The following AP1B1 variants were observed in gnomAD, a reference collection of about 807,000 sequenced individuals.
AP1B1 encodes AP-1 complex subunit beta-1.
A neutral mutation model predicts 104.3 loss-of-function variants in AP1B1; 36 were observed. The observed-to-expected ratio is 0.35, with a 90% CI of 0.26 to 0.46. The LOEUF is 0.46. Ranked by LOEUF, AP1B1 falls within the 20% of genes least tolerant of loss-of-function variation. The pLI is 1.00. For synonymous variants in AP1B1, 504 were observed against 517.5 expected (o/e 0.97, Z 0.35); for missense variants, 901 against 1,247.9 (o/e 0.72, Z 4.19).
intron 1 of AP1B1, among the ~76,000 whole-genome samples, chr22:29,368,571 TAC>T (rs2062180137): frequency 6.6e-6 from 1 of 152,208 alleles, no homozygotes; most frequent in Non-Finnish European, 1.5e-5. Context: ...AATCCCATTT[TAC>T]AAATGATGAA....
chr22:29,350,139 C>T lies in AP1B1; in HGVS notation c.1167G>A (p.Glu389=), dbSNP rs370775380. Residue 389 remains glutamate (E), a synonymous_variant, in exon 10 of 23, where the codon GAG becomes GAA. Transcript: ENST00000357586. ...GGTCGAGCAGCGTGCTCACACAGCGCTCCGCAGATTGCTGCATGGGAAGAG... is the reference window on the plus strand; with the variant it reads ...GGTCGAGCAGCGTGCTCACACAGCGTTCCGCAGATTGCTGCATGGGAAGAG... ...RCAIKVEQSA[E]RCVSTLLDLI... 6.2e-7 allele frequency: 1 copy of T among 1,614,090 alleles called. No homozygotes were observed. Among genetic ancestry groups the T allele is most frequent in the Non-Finnish European group, 8.5e-7 (1 of 1,179,950 alleles).
intron 16 of AP1B1, among the ~76,000 whole-genome samples, chr22:29,337,847 G>A (rs764391463): frequency 6.4e-4 from 98 of 152,274 alleles, no homozygotes; most frequent in Middle Eastern, 3.4e-3. Context: ...TCCCTGCCAC[G>A]GAATCCCCCG....
In AP1B1 at chr22:29,331,896, G is replaced by A; in HGVS notation, c.2330C>T (p.Ala777Val). The change falls in exon 18 of 23, where the codon GCC becomes GTC. Residue 777 changes from alanine to valine, a missense_variant. This residue lies in a region of AP1B1 where 424 missense variants were observed against 494.0 expected (regional missense o/e 0.86). Transcript: ENST00000357586. Reference sequence around the variant, plus strand: ...GAGTGGCGCGTGGACCTGGAGGGGGGCGGCGGGGGCCAGGCCAAAGCTGGG... The same window carrying A: ...GAGTGGCGCGTGGACCTGGAGGGGGACGGCGGGGGCCAGGCCAAAGCTGGG... ...NRNSFGLAPA[A>V]PLQVHAPLSP... 2 of 1,611,644 alleles carry A rather than the reference G, an allele frequency of 1.2e-6. No homozygotes were observed. The highest frequency in any genetic ancestry group is 1.1e-5 in the South Asian group (1 of 91,044).
Position 29,354,937 on chromosome 22 carries a change from C to T in AP1B1, c.717-66G>A, listed in dbSNP as rs567877056. 1.6e-5 allele frequency: 23 copies of T among 1,439,120 alleles called. 1 individual carries two copies. In the East Asian group the frequency reaches 2.3e-4, roughly 15 times the overall value. 89.1% of individuals were successfully genotyped at this position (1,439,120 alleles called of 1,614,324 possible). A position where few individuals can be genotyped will look rare whatever the true frequency, so the allele number is the denominator to read the frequency against. On this transcript the variant is annotated intron_variant, in intron 6 of 22. Transcript: ENST00000357586. ...AGGGGAAACATTCTGTTTTTAGTTA[C>T]CAAAATAGCATGTCCAGGCCAGGCG...
Position 29,351,664 on chromosome 22 carries a change from C to A in AP1B1, c.1059+41G>T, listed in dbSNP as rs1163511660. ...TACAGTCTGGTGGTGGTGGAATGGT[C>A]CCACACTGAGCCCGTGTCCTGACCA... On this transcript the variant is annotated intron_variant, in intron 8 of 22. Transcript: ENST00000357586. 5.0e-6 allele frequency: 8 copies of A among 1,609,000 alleles called. No homozygotes were observed. In the Admixed American group the frequency reaches 5.0e-5, roughly 10 times the overall value.
chr22:29,341,032 A>G (rs1325374322), intron 13 of AP1B1, among the ~76,000 whole-genome samples, 175 bp from the exon 14 acceptor site: 1 of 152,214 alleles, frequency 6.6e-6, no homozygotes, highest in African/African-American at 2.4e-5. Flanking sequence ...CAGCAGGTCC[A>G]TCTTTCAGGT....
intron 11 of AP1B1, among the ~76,000 whole-genome samples, chr22:29,345,706 A>C (rs2061782958): frequency 6.6e-6 from 1 of 151,356 alleles, no homozygotes; most frequent in Non-Finnish European, 1.5e-5. Context: ...TTTTTCTGAG[A>C]TGGAGTCTTG....
At position 29,341,898 on chromosome 22, in the gene AP1B1, C is replaced by T. The variant is rs192040700; in HGVS notation, c.1537-138G>A. On this transcript the variant is annotated intron_variant, in intron 12 of 22. Coordinates refer to ENST00000357586, the MANE Select transcript of AP1B1 (RefSeq NM_001127.4). ...AGTCCTGAGTGCTCCCATGAGCCTG[C>T]CCCTATACCACCTACAGGGCCATGC... 3,712 of 1,022,458 alleles carry T rather than the reference C, an allele frequency of 3.6e-3. 27 individuals are homozygous for T. The highest frequency in any genetic ancestry group is 8.3e-3 in the South Asian group (493 of 59,594). The allele number at this position is 1,022,458 out of a possible 1,614,324, so 63.3% of individuals were successfully genotyped here.
intron 1 of AP1B1, among the ~76,000 whole-genome samples, chr22:29,376,174 G>C (rs2062337848): frequency 6.6e-6 from 1 of 152,218 alleles, no homozygotes; most frequent in East Asian, 1.9e-4. Flanking sequence ...GTCTTCTGTA[G>C]GAAGGAAAAC....
At chr22:29,336,463 A>G (rs1276865811) in intron 16 of AP1B1, among the ~76,000 whole-genome samples, 1 of 152,082 alleles carries the variant, frequency 6.6e-6, no homozygotes, top group Non-Finnish European at 1.5e-5. Context: ...TGTTGGATAC[A>G]CTCATCTGAC....
At chr22:29,344,697 G>T (rs1392452732) in intron 11 of AP1B1, among the ~76,000 whole-genome samples, 2 of 151,646 alleles carry the variant, frequency 1.3e-5, no homozygotes, top group African/African-American at 4.8e-5. Flanking sequence ...GCTAATTTTT[G>T]TATTTTTAGA....
chr22:29,353,937 G>C (rs2061915310), intron 7 of AP1B1, among the ~76,000 whole-genome samples: 1 of 152,166 alleles, frequency 6.6e-6, no homozygotes. Flanking sequence ...CTGCCACTCA[G>C]AGCCACTTCA....
intron 1 of AP1B1, among the ~76,000 whole-genome samples, chr22:29,374,489 G>A (rs536267473): frequency 6.6e-6 from 1 of 152,316 alleles, no homozygotes; most frequent in East Asian, 1.9e-4. Context: ...GAATGGCAGA[G>A]GATGTGGACA....
rs985456523 is a variant in AP1B1, at chr22:29,387,351, A to T, written c.-28+1073T>A. 3.7e-5 allele frequency among the ~76,000 whole-genome samples: 5 copies of T among 133,956 alleles called. No homozygotes were observed. The South Asian group carries it at 1.2e-3, about 31-fold the overall frequency. The allele number at this position is 133,956 out of a possible 152,430, so 87.9% of individuals were successfully genotyped here. A position where few individuals can be genotyped will look rare whatever the true frequency, so the allele number is the denominator to read the frequency against. ...GAGACGGAGTCTCACTCCGTGGCCCAGGCTGGAGTGCAGTCGCACGATCTC... is the reference window on the plus strand; with the variant it reads ...GAGACGGAGTCTCACTCCGTGGCCCTGGCTGGAGTGCAGTCGCACGATCTC... On this transcript the variant is annotated intron_variant, in intron 1 of 22. Coordinates refer to ENST00000357586, the MANE Select transcript of AP1B1 (RefSeq NM_001127.4).
At chr22:29,387,953 C>G (rs1228312893) in intron 1 of AP1B1, among the ~76,000 whole-genome samples, 1 of 152,228 alleles carries the variant, frequency 6.6e-6, no homozygotes, top group Non-Finnish European at 1.5e-5. Flanking sequence ...GTCTTAGAGG[C>G]TCCAACAAAC....
intron 16 of AP1B1, among the ~76,000 whole-genome samples, chr22:29,335,960 C>G (rs935349543): frequency 6.6e-6 from 1 of 152,158 alleles, no homozygotes; most frequent in Non-Finnish European, 1.5e-5. Context: ...TCTCCAGGGG[C>G]CCCCCAATCA....
intron 1 of AP1B1, among the ~76,000 whole-genome samples, chr22:29,386,026 T>TTGCAGAAGGAAGTAACGC (rs1569169489): frequency 1.3e-5 from 2 of 152,312 alleles, no homozygotes; most frequent in South Asian, 2.1e-4. Flanking sequence ...AGGTCTCTGT[T>TTGCAGAAGGAAGTAACGC]TGCAGAAGGA....
intron 8 of AP1B1, 77 bp from the exon 9 acceptor site, chr22:29,351,343 TAC>T: frequency 6.9e-7 from 1 of 1,442,258 alleles, no homozygotes. Flanking sequence ...GCAGTGAATA[TAC>T]ACAGACTCCC....
intron 10 of AP1B1, 41 bp downstream of exon 10, chr22:29,349,994 G>T: frequency 1.3e-6 from 2 of 1,504,700 alleles, no homozygotes; most frequent in Non-Finnish European, 1.9e-6. Flanking sequence ...CTGTCCCCAG[G>T]CAGAGCTAGA....
Sources: gnomAD v4.1 joint callset for allele counts (sites outside exome capture counted in the v4.1 genomes callset) on GRCh38, gnomAD v4.1.1 for gene constraint, gnomAD v4.1.1 regional missense constraint, MANE v1.5 for transcripts, NCBI Gene and HGNC (gene_info 2026-07-23, HGNC 2026-07-21) for gene names.